The following TOPBP1 variants were observed in gnomAD, a reference collection of about 807,000 sequenced individuals.
TOPBP1 encodes the protein DNA topoisomerase 2-binding protein 1.
In TOPBP1, 28 loss-of-function variants were observed where a neutral mutation model predicts 167.7. That is an observed-to-expected ratio of 0.17 (90% confidence interval 0.12 to 0.23). TOPBP1 has a LOEUF of 0.23. Ranked by LOEUF, TOPBP1 falls within the 10% of genes least tolerant of loss-of-function variation. The pLI is 1.00. For missense variants in TOPBP1, 1,554 were observed against 1,809.6 expected, an observed-to-expected ratio of 0.86 and a Z score of 2.56; for synonymous variants, 598 against 611.4, an observed-to-expected ratio of 0.98 and a Z score of 0.32.
intron 25 of TOPBP1, among the ~76,000 whole-genome samples, chr3:133,610,604 T>A (rs1369586470): frequency 1.3e-5 from 2 of 151,654 alleles, no homozygotes; most frequent in Admixed American, 1.3e-4. Flanking sequence ...AGTGCTAGTT[T>A]TCTCAAAGCA....
At chr3:133,603,209 T>A (rs942986487) in intron 27 of TOPBP1, among the ~76,000 whole-genome samples, 1 of 152,170 alleles carries the variant, frequency 6.6e-6, no homozygotes, top group Non-Finnish European at 1.5e-5. Context: ...GGAAGTAATT[T>A]GTAATCTACA....
At chr3:133,654,904 G>A (rs1283969854) in intron 6 of TOPBP1, among the ~76,000 whole-genome samples, 1 of 152,076 alleles carries the variant, frequency 6.6e-6, no homozygotes, top group East Asian at 1.9e-4. Flanking sequence ...GTTCTGTAAA[G>A]ATTTTAAAAT....
At chr3:133,640,801 A>G (rs773119864) in intron 12 of TOPBP1, among the ~76,000 whole-genome samples, 7 of 152,192 alleles carry the variant, frequency 4.6e-5, no homozygotes, top group Non-Finnish European at 8.8e-5. Flanking sequence ...AAGTGTATAA[A>G]TAACATTATT....
chr3:133,601,639 C>T (rs907519832), intron 27 of TOPBP1, among the ~76,000 whole-genome samples: 2 of 152,126 alleles, frequency 1.3e-5, no homozygotes, highest in African/African-American at 4.8e-5. Flanking sequence ...ATCTTACAAA[C>T]ATTTCATATC....
intron 3 of TOPBP1, among the ~76,000 whole-genome samples, chr3:133,658,471 GA>G (rs63201860): frequency 0.27 from 38,572 of 141,694 alleles, 5,221 homozygotes; most frequent in East Asian, 0.42. Context: ...TATAACAAAA[GA>G]AAAAAAAAAA....
intron 23 of TOPBP1, among the ~76,000 whole-genome samples, chr3:133,613,830 G>C (rs1934766484): frequency 7.0e-6 from 1 of 143,300 alleles, no homozygotes; most frequent in South Asian, 2.1e-4. Flanking sequence ...CTGTCACCCA[G>C]GCTGGAGTGC....
At chr3:133,621,026 T>G (rs1935073815) in intron 19 of TOPBP1, among the ~76,000 whole-genome samples, 1 of 152,156 alleles carries the variant, frequency 6.6e-6, no homozygotes, top group Admixed American at 6.5e-5. Flanking sequence ...CTTTTAATTT[T>G]TTAGAGACAG....
At chr3:133,646,197 T>C (rs534554870) in intron 10 of TOPBP1, among the ~76,000 whole-genome samples, 41 of 152,260 alleles carry the variant, frequency 2.7e-4, no homozygotes, top group African/African-American at 9.9e-4. Context: ...AAGAATTAAT[T>C]ATAAAATACT....
chr3:133,614,927 G>A (rs955698741), intron 23 of TOPBP1, among the ~76,000 whole-genome samples: 3 of 151,492 alleles, frequency 2.0e-5, no homozygotes, highest in Admixed American at 2.0e-4. Context: ...GGATACAAAT[G>A]TAACAAACCT....
Position 133,628,678 on chromosome 3 carries a change from G to A in TOPBP1, c.2576C>T (p.Pro859Leu), listed in dbSNP as rs749948531. The change falls in exon 15 of 28, where the codon CCG becomes CTG. Residue 859 changes from proline (P) to leucine (L), a missense_variant. Physicochemically the swap from Pro to Leu is moderately conservative, Grantham distance 98 (BLOSUM62 -3). Transcript: ENST00000260810. Reference sequence around the variant, plus strand: ...AATAACTTCTGAGAGTGGCGTACTCGGTTTCCTTTTCTGTTGGCTGGGACG... The same window carrying A: ...AATAACTTCTGAGAGTGGCGTACTCAGTTTCCTTTTCTGTTGGCTGGGACG... ...PGRPSQQKRK[P>L]STPLSEVIVK... 14 of 1,564,300 alleles carry A rather than the reference G, an allele frequency of 8.9e-6. No individual in the cohort carries two copies. In the South Asian group the frequency reaches 1.2e-4, roughly 13 times the overall value.
In TOPBP1 at chr3:133,601,200, T is replaced by TTTC. The variant is rs758873716; in HGVS notation, c.*47_*49dup. 4.2e-5 allele frequency: 63 copies of TTTC among 1,516,890 alleles called. No individual in the cohort carries two copies. In the Middle Eastern group the frequency reaches 5.5e-4, roughly 13 times the overall value. 94.0% of individuals were successfully genotyped at this position (1,516,890 alleles called of 1,614,324 possible). A position where few individuals can be genotyped will look rare whatever the true frequency, so the allele number is the denominator to read the frequency against. Reference sequence around the variant, plus strand: ...AAATCTATCACAGTCACATTCAGGCTTTCAATTTTTAAAAACATTTAATGT... The same window carrying TTTC: ...AAATCTATCACAGTCACATTCAGGCTTTCTTCAATTTTTAAAAACATTTAATGT... On this transcript the variant is annotated 3_prime_UTR_variant, in exon 28 of 28. Transcript: ENST00000260810.
chr3:133,637,406 G>A (rs1422639379), intron 14 of TOPBP1, among the ~76,000 whole-genome samples: 1 of 152,110 alleles, frequency 6.6e-6, no homozygotes, highest in East Asian at 1.9e-4. Context: ...TGTCTTTACA[G>A]GAAACAATTC....
rs1935164263 is a variant in TOPBP1 at position 133,623,407 on chromosome 3, A to G, written c.2979T>C (p.Tyr993=). 12 of 1,613,112 alleles carry G rather than the reference A, an allele frequency of 7.4e-6. No homozygotes were observed. Among genetic ancestry groups the G allele is most frequent in the Non-Finnish European group, 9.3e-6 (11 of 1,179,478 alleles). ...HLPESLYPHT[Y]NPKMSLDISA... ...TGATATCCAAGCTCATTTTGGGATTATAAGTATGTGGATAAAGAGATTCAG... is the reference window on the plus strand; with the variant it reads ...TGATATCCAAGCTCATTTTGGGATTGTAAGTATGTGGATAAAGAGATTCAG... Residue 993 remains tyrosine (Y), a synonymous_variant, in exon 18 of 28, where the codon TAT becomes TAC. Transcript: ENST00000260810.
intron 16 of TOPBP1, among the ~76,000 whole-genome samples, chr3:133,627,598 AAG>A (rs1421913938): frequency 6.6e-6 from 1 of 152,192 alleles, no homozygotes; most frequent in African/African-American, 2.4e-5. Context: ...AAACTGAAAT[AAG>A]AGTTACCAAA....
chr3:133,610,981 C>G (rs1343837023), intron 25 of TOPBP1, 23 bp downstream of exon 25: 1 of 1,592,360 alleles, frequency 6.3e-7, no homozygotes, highest in East Asian at 2.2e-5. Flanking sequence ...ATTTGTATTA[C>G]CTATATAATT....
At chr3:133,645,600 C>T (rs9836356) in intron 10 of TOPBP1, among the ~76,000 whole-genome samples, 12,339 of 151,976 alleles carry the variant, frequency 0.081, 514 homozygotes, top group Middle Eastern at 0.13. Flanking sequence ...TAACTTTTTT[C>T]GACGTCTATA....
chr3:133,612,044 CT>C (rs869235055), intron 24 of TOPBP1, among the ~76,000 whole-genome samples: 410 of 140,804 alleles, frequency 2.9e-3, no homozygotes, highest in Non-Finnish European at 2.6e-3. Context: ...CCAACACTTA[CT>C]TTTTTTTTTT....
At chr3:133,623,491 G>A (rs1225205945) in intron 17 of TOPBP1, 34 bp from the exon 18 acceptor site, 1 of 1,568,020 alleles carries the variant, frequency 6.4e-7, no homozygotes, top group Non-Finnish European at 8.7e-7. Context: ...AGACAGGACT[G>A]ACAAAATCTT....
At chr3:133,621,968 C>T (rs1246450684) in intron 19 of TOPBP1, among the ~76,000 whole-genome samples, 4 of 148,330 alleles carry the variant, frequency 2.7e-5, no homozygotes, top group Admixed American at 2.0e-4. Flanking sequence ...ATACAGTTGC[C>T]CAAAAAGAAA....
Sources: gnomAD v4.1 joint callset for allele counts (sites outside exome capture counted in the v4.1 genomes callset) on GRCh38, gnomAD v4.1.1 for gene constraint, MANE v1.5 for transcripts, NCBI Gene and HGNC (gene_info 2026-07-23, HGNC 2026-07-21) for gene names.